Variants in SHOX2 observed in about 807,000 individuals in gnomAD.
The protein encoded by SHOX2 is SHOX homeobox 2, also known as short stature homeobox protein 2.
A neutral mutation model predicts 31.3 loss-of-function variants in SHOX2; 13 were observed. That is an observed-to-expected ratio of 0.42 (90% CI 0.27 to 0.66). The LOEUF (loss-of-function observed/expected upper bound fraction) is 0.66. Among genes scored for constraint, SHOX2 ranks in the 30% least tolerant of loss-of-function variants. SHOX2 has a pLI of 0.27. For missense variants in SHOX2, 473 were observed against 443.0 expected, an observed-to-expected ratio of 1.07 and a Z score of -0.61; for synonymous variants, 244 against 196.2, an observed-to-expected ratio of 1.24 and a Z score of -2.04.
rs1272777455 is a variant in SHOX2 at position 158,096,924 on chromosome 3, A to C, written c.*1103T>G. 7.9e-6 allele frequency: 1 copy of C among 126,232 alleles called. No individual in the cohort carries two copies. Among genetic ancestry groups the C allele is most frequent in the South Asian group, 2.5e-4 (1 of 3,992 alleles). 7.8% of individuals were successfully genotyped at this position (126,232 alleles called of 1,614,324 possible). ...TATATATATATATATATATATATAT[A>C]TATATATGGCAAATATATGATATAT... On this transcript the variant is annotated 3_prime_UTR_variant, in exon 5 of 5. Coordinates refer to ENST00000483851, the MANE Select transcript of SHOX2 (RefSeq NM_001163678.2).
rs758855070 is a variant in SHOX2 at position 158,098,268 on chromosome 3, T to C, written c.719A>G (p.Gln240Arg). 18 of 1,613,664 alleles carry C rather than the reference T, an allele frequency of 1.1e-5. No homozygotes were observed. The highest frequency in any genetic ancestry group is 1.4e-5 in the Non-Finnish European group (16 of 1,179,856). Residue 240 changes from glutamine (Q) to arginine (R), a missense_variant, in exon 5 of 5, where the codon CAG becomes CGG. By Grantham distance (43) the Gln-to-Arg change is conservative. This residue lies in a region of SHOX2 where 182 missense variants were observed against 167.2 expected (regional missense o/e 1.09). Coordinates refer to ENST00000483851, the MANE Select transcript of SHOX2 (RefSeq NM_001163678.2). ...CGCGTGCGCCACAGCGCTGTCCAGC[T>C]GCAGCTGCGCCTGAACCTGAAAGGA... Reference protein sequence around the residue: ...MPFQQVQAQLQLDSAVAHAHH... With the variant: ...MPFQQVQAQLRLDSAVAHAHH...
At chr3:158,098,420 G>T in intron 4 of SHOX2, 136 bp from the exon 5 acceptor site, 2 of 1,085,270 alleles carry the variant, frequency 1.8e-6, no homozygotes, top group Non-Finnish European at 2.7e-6. Context: ...GCATTTGGCT[G>T]TGCATCTTGT....
intron 1 of SHOX2, chr3:158,105,281 T>A: frequency 1.6e-6 from 1 of 620,780 alleles, no homozygotes; most frequent in Non-Finnish European, 2.9e-6. Context: ...AACTCTGCGC[T>A]AGAGGCTAGC....
rs1348552831 is a variant in SHOX2 at position 158,100,295 on chromosome 3, C to T, written c.572G>A (p.Arg191Gln). Residue 191 changes from arginine to glutamine, a missense_variant, in exon 3 of 5, where the codon CGA becomes CAA. Arg to Gln is a conservative substitution (Grantham distance 43). Around this residue, in one of 3 missense-constraint regions of SHOX2, gnomAD observed 15 missense variants for 45.8 expected, o/e 0.33. Coordinates refer to ENST00000483851, the MANE Select transcript of SHOX2 (RefSeq NM_001163678.2). ...EARVQVWFQN[R>Q]RAKCRKQENQ... is the part of the protein sequence containing the mutation. ...TTCTTGTTTTCTACATTTAGCTCTT[C>T]GATTTTGAAACCAAACCTATAGGTT... 4 of 1,600,042 alleles carry T rather than the reference C, an allele frequency of 2.5e-6. No homozygotes were observed. Among genetic ancestry groups the T allele is most frequent in the Non-Finnish European group, 3.4e-6 (4 of 1,175,788 alleles).
rs1032110657 is a variant in SHOX2, at chr3:158,105,333, G to C, written c.346+346C>G. ...GGTTCAGCACCCCCTCCTGCAGCCC[G>C]GCCCCGCGAACTTCCACGTCCGCCT... On this transcript the variant is annotated intron_variant, in intron 1 of 4. Transcript: ENST00000483851. The C allele has an allele frequency of 1.0e-4, 61 of 588,142 alleles. No homozygotes were observed. In the East Asian group the frequency reaches 1.6e-3, roughly 16 times the overall value. 36.4% of individuals were successfully genotyped at this position (588,142 alleles called of 1,614,324 possible). A position where few individuals can be genotyped will look rare whatever the true frequency, so the allele number is the denominator to read the frequency against.
intron 2 of SHOX2, 50 bp downstream of exon 2, chr3:158,102,628 C>T (rs775826366): frequency 7.2e-6 from 11 of 1,527,302 alleles, no homozygotes; most frequent in African/African-American, 2.7e-5. Flanking sequence ...TCTTTCCAAC[C>T]CCAGGCTCTC....
In SHOX2 at chr3:158,097,231, G is replaced by A. The variant is rs917440974; in HGVS notation, c.*796C>T. On this transcript the variant is annotated 3_prime_UTR_variant, in exon 5 of 5. Coordinates refer to ENST00000483851, the MANE Select transcript of SHOX2 (RefSeq NM_001163678.2). ...CTCTTTTCTTGCTCTTCCATACATG[G>A]TGGGTTTAAACTCAAAGCATCTGAT... 1.3e-5 allele frequency: 2 copies of A among 151,872 alleles called. No individual in the cohort carries two copies. Among genetic ancestry groups the A allele is most frequent in the Non-Finnish European group, 2.9e-5 (2 of 67,932 alleles). 9.4% of individuals were successfully genotyped at this position (151,872 alleles called of 1,614,324 possible).
intron 2 of SHOX2, among the ~76,000 whole-genome samples, chr3:158,101,792 TATC>T (rs2108125886): frequency 1.3e-5 from 2 of 152,318 alleles, no homozygotes; most frequent in Non-Finnish European, 2.9e-5. Context: ...TCTATTTTAT[TATC>T]TGAGCGGAAA....
chr3:158,104,681 G>C (rs951037472), intron 1 of SHOX2, among the ~76,000 whole-genome samples: 2 of 152,160 alleles, frequency 1.3e-5, no homozygotes, highest in African/African-American at 4.8e-5. Context: ...TTGATCCATA[G>C]ACTTAATAAA....
Position 158,098,160 on chromosome 3 carries a change from G to T in SHOX2, c.827C>A (p.Thr276Lys), listed in dbSNP as rs1441236141. 1.2e-6 allele frequency: 2 copies of T among 1,613,450 alleles called. No homozygotes were observed. The highest frequency in any genetic ancestry group is 1.7e-5 in the Admixed American group (1 of 59,984). The stretch of plus-strand genomic sequence containing the variant: ...GGCGGAAGCCGAATCCGCGGCCAGC[G>T]TGGCGAGCGGCAGTCCGAAGGGCGG... ...PAPPFGLPLATLAADSASAAS... is the reference protein window; with the variant it reads ...PAPPFGLPLAKLAADSASAAS... The change falls in exon 5 of 5, where the codon ACG becomes AAG. Residue 276 changes from threonine (T) to lysine (K), a missense_variant. Thr to Lys is a moderately conservative substitution (Grantham distance 78). This residue lies in a region of SHOX2 where 182 missense variants were observed against 167.2 expected (regional missense o/e 1.09). Transcript: ENST00000483851.
intron 4 of SHOX2, 140 bp downstream of exon 4, chr3:158,099,720 T>C (rs1406880962): frequency 2.9e-6 from 2 of 679,242 alleles, no homozygotes; most frequent in African/African-American, 3.6e-5. Flanking sequence ...GGGTAGTGGG[T>C]CCACTATATC....
intron 1 of SHOX2, 104 bp from the exon 2 acceptor site, chr3:158,102,990 T>C: frequency 1.8e-6 from 2 of 1,111,194 alleles, no homozygotes; most frequent in South Asian, 2.5e-5. Context: ...TGTTACCAGA[T>C]TTGTCGCAAA....
chr3:158,105,867 C>A lies in SHOX2; in HGVS notation c.158G>T (p.Ser53Ile). 1 of 1,506,468 alleles carries A rather than the reference C, an allele frequency of 6.6e-7. No individual in the cohort carries two copies. Among genetic ancestry groups the A allele is most frequent in the East Asian group, 2.9e-5 (1 of 34,400 alleles). 93.3% of individuals were successfully genotyped at this position (1,506,468 alleles called of 1,614,324 possible). Reference protein sequence around the residue: ...CTEAGRDDRSSPAVRAAGGGG... With the variant: ...CTEAGRDDRSIPAVRAAGGGG... Reference sequence around the variant, plus strand: ...TCCGCCGGCCGCCCGGACTGCCGGGCTGCTGCGGTCGTCGCGGCCCGCCTC... The same window carrying A: ...TCCGCCGGCCGCCCGGACTGCCGGGATGCTGCGGTCGTCGCGGCCCGCCTC... The change falls in exon 1 of 5, where the codon AGC (serine) becomes ATC (isoleucine). Residue 53 changes from serine to isoleucine, a missense_variant. Physicochemically the swap from Ser to Ile is moderately radical, Grantham distance 142. Transcript: ENST00000483851.
chr3:158,100,351 T>C (rs774062505), intron 2 of SHOX2, 40 bp from the exon 3 acceptor site: 57 of 1,507,372 alleles, frequency 3.8e-5, no homozygotes, highest in Non-Finnish European at 5.0e-5. Context: ...ACCTAGATGT[T>C]ATGACTAAAA....
Position 158,096,898 on chromosome 3 carries a change from A to ATT in SHOX2, c.*1128_*1129insAA, listed in dbSNP as rs1713124386. ...GATCAAAGACAGGGCAAATATATAT[A>ATT]TATATATATATATATATATATATAT... On this transcript the variant is annotated 3_prime_UTR_variant, in exon 5 of 5. Coordinates refer to ENST00000483851, the MANE Select transcript of SHOX2 (RefSeq NM_001163678.2). The ATT allele has an allele frequency of 1.1e-5, 1 of 88,784 alleles. No individual in the cohort carries two copies. Among genetic ancestry groups the ATT allele is most frequent in the Non-Finnish European group, 2.2e-5 (1 of 44,632 alleles). The allele number at this position is 88,784 out of a possible 1,614,324, so 5.5% of individuals were successfully genotyped here. A position where few individuals can be genotyped will look rare whatever the true frequency, so the allele number is the denominator to read the frequency against.
At chr3:158,101,588 TG>T (rs1380668416) in intron 2 of SHOX2, among the ~76,000 whole-genome samples, 1 of 25,650 alleles carries the variant, frequency 3.9e-5, no homozygotes, top group Non-Finnish European at 6.0e-5. Context: ...GTGACTGCTC[TG>T]TTTTTTTTTT....
At chr3:158,100,425 A>G (rs1713429193) in intron 2 of SHOX2, 114 bp from the exon 3 acceptor site, 1 of 656,616 alleles carries the variant, frequency 1.5e-6, no homozygotes, top group Admixed American at 3.3e-5. Context: ...ATTGGGAGAT[A>G]CAGCAAGCAA....
intron 1 of SHOX2, among the ~76,000 whole-genome samples, chr3:158,104,855 C>T (rs1323636921): frequency 6.6e-6 from 1 of 152,138 alleles, no homozygotes; most frequent in Non-Finnish European, 1.5e-5. Flanking sequence ...CACCAAGTGC[C>T]AAATCAATTT....
At position 158,102,973 on chromosome 3, in the gene SHOX2, C is replaced by G. The variant is rs895596270; in HGVS notation, c.347-87G>C. ...ACACACACGGACGAAAACAGCACAG[C>G]AAATCCTGTTACCAGATTTGTCGCA... On this transcript the variant is annotated intron_variant, in intron 1 of 4. Transcript: ENST00000483851. 5.8e-6 allele frequency: 7 copies of G among 1,208,204 alleles called. No homozygotes were observed. The African/African-American group carries it at 1.0e-4, about 18-fold the overall frequency. The allele number at this position is 1,208,204 out of a possible 1,614,324, so 74.8% of individuals were successfully genotyped here. A position where few individuals can be genotyped will look rare whatever the true frequency, so the allele number is the denominator to read the frequency against.
Sources: gnomAD v4.1 joint callset for allele counts (sites outside exome capture counted in the v4.1 genomes callset) on GRCh38, gnomAD v4.1.1 for gene constraint, gnomAD v4.1.1 regional missense constraint, MANE v1.5 for transcripts, NCBI Gene and HGNC (gene_info 2026-07-23, HGNC 2026-07-21) for gene names.